Variants in PPP1R13L observed in about 807,000 individuals in gnomAD.
The protein encoded by PPP1R13L is protein phosphatase 1 regulatory subunit 13 like, also known as relA-associated inhibitor.
A neutral mutation model predicts 80.9 loss-of-function variants in PPP1R13L; 50 were observed. The observed-to-expected ratio is 0.62, with a 90% CI of 0.49 to 0.78. PPP1R13L has a LOEUF of 0.78. Among genes scored for constraint, PPP1R13L ranks in the 30% least tolerant of loss-of-function variants. The pLI, the probability that PPP1R13L is intolerant of heterozygous loss-of-function variation, is 0.00. For synonymous variants in PPP1R13L, 602 were observed against 534.3 expected (o/e 1.13, Z -1.75); for missense variants, 1,200 against 1,205.9 (o/e 1.00, Z 0.07).
At chr19:45,388,175 G>GA (rs542347771) in intron 8 of PPP1R13L, among the ~76,000 whole-genome samples, 1,853 of 142,062 alleles carry the variant, frequency 0.013, 30 homozygotes, top group Non-Finnish European at 0.016. Context: ...CTCAAAAAAG[G>GA]AAAAAAAAAA....
chr19:45,396,553 C>G lies in PPP1R13L; in HGVS notation c.704G>C (p.Arg235Pro), dbSNP rs1023662904. Reference sequence around the variant, plus strand: ...GGGGCCCCTGGGTTCACCTTGCGCGCGCAGAGGCGGGGCGAATGCGCTGCC... The same window carrying G: ...GGGGCCCCTGGGTTCACCTTGCGCGGGCAGAGGCGGGGCGAATGCGCTGCC... ...SGGSAFAPPL[R>P]AQDDLTLRRR... is the part of the protein sequence containing the mutation. The change falls in exon 4 of 13, where the codon CGC (arginine) becomes CCC (proline). Residue 235 changes from arginine (R) to proline (P), a missense_variant. Arg to Pro is a moderately radical substitution (Grantham distance 103, BLOSUM62 -2). Transcript: ENST00000360957. The surrounding 1 kb of genome is among the most constrained non-coding windows in gnomAD (Gnocchi z 5.3). The G allele has an allele frequency of 1.3e-6, 2 of 1,543,596 alleles. No individual in the cohort carries two copies. Among genetic ancestry groups the G allele is most frequent in the Middle Eastern group, 1.8e-4 (1 of 5,670 alleles).
At chr19:45,381,777 A>C (rs2123343500) in intron 12 of PPP1R13L, among the ~76,000 whole-genome samples, 1 of 150,718 alleles carries the variant, frequency 6.6e-6, no homozygotes, top group Non-Finnish European at 1.5e-5. Context: ...CAAAATACAA[A>C]AAAAAAAAAA....
chr19:45,380,670 T>G (rs1340824916), intron 12 of PPP1R13L, among the ~76,000 whole-genome samples: 3 of 151,992 alleles, frequency 2.0e-5, no homozygotes, highest in Non-Finnish European at 4.4e-5. Flanking sequence ...ACACAAAAAA[T>G]TAGCTGGGCG....
At chr19:45,401,452 C>T (rs990546509) in intron 1 of PPP1R13L, among the ~76,000 whole-genome samples, 7 of 152,168 alleles carry the variant, frequency 4.6e-5, no homozygotes, top group Admixed American at 2.0e-4. Flanking sequence ...CCCGCCTCAG[C>T]CTCCCAAAGT....
rs1162191121 is a variant in PPP1R13L at position 45,395,562 on chromosome 19, G to A, written c.1228C>T (p.Pro410Ser). The A allele has an allele frequency of 2.7e-6, 4 of 1,484,988 alleles. No homozygotes were observed. The South Asian group carries it at 5.4e-5, about 20-fold the overall frequency. The allele number at this position is 1,484,988 out of a possible 1,614,324, so 92.0% of individuals were successfully genotyped here. A position where few individuals can be genotyped will look rare whatever the true frequency, so the allele number is the denominator to read the frequency against. Residue 410 changes from proline (P) to serine (S), a missense_variant, in exon 7 of 13, where the codon CCA (proline) becomes TCA (serine). Coordinates refer to ENST00000360957, the MANE Select transcript of PPP1R13L (RefSeq NM_006663.4). ...GATTGTGGCTGGGGCTGTGGTTGTG[G>A]TTGGGGCTGCAGCTTAGGCGGGGGT... Reference protein sequence around the residue: ...RAPPPKLQPQPQPQPQPQSQP... With the variant: ...RAPPPKLQPQSQPQPQPQSQP...
intron 1 of PPP1R13L, among the ~76,000 whole-genome samples, chr19:45,398,585 C>CTTTTTTTTTTTTTTTT (rs113649282): frequency 2.2e-5 from 3 of 136,530 alleles, no homozygotes; most frequent in East Asian, 2.1e-4. Context: ...TTTTTCTTTT[C>CTTTTTTTTTTTTTTTT]TTTTTTTTTT....
chr19:45,383,979 G>A (rs1361056483), intron 11 of PPP1R13L, among the ~76,000 whole-genome samples: 1 of 151,832 alleles, frequency 6.6e-6, no homozygotes, highest in Non-Finnish European at 1.5e-5. Flanking sequence ...TGCCCAGGCT[G>A]GTTTGGAAAT....
In PPP1R13L at chr19:45,396,609, G is replaced by A. The variant is rs910924357; in HGVS notation, c.648C>T (p.Ser216=). 2.7e-6 allele frequency: 4 copies of A among 1,495,154 alleles called. No individual in the cohort carries two copies. The highest frequency in any genetic ancestry group is 3.5e-6 in the Non-Finnish European group (4 of 1,131,458). 92.6% of individuals were successfully genotyped at this position (1,495,154 alleles called of 1,614,324 possible). A position where few individuals can be genotyped will look rare whatever the true frequency, so the allele number is the denominator to read the frequency against. The change falls in exon 4 of 13, where the codon TCC becomes TCT. Residue 216 remains serine, a synonymous_variant. Coordinates refer to ENST00000360957, the MANE Select transcript of PPP1R13L (RefSeq NM_006663.4). This position sits in a 1 kb window ranked among gnomAD's most constrained non-coding sequence, Gnocchi z 5.3. ...AGCCTAGCAGGGAGCTCCCGAAGGC[G>A]GACGCTGGCGCGTCGTAGGCTGTGG... ...PPATAYDAPA[S]AFGSSLLGSG...
chr19:45,400,740 C>G, intron 1 of PPP1R13L, among the ~76,000 whole-genome samples: 2 of 145,844 alleles, frequency 1.4e-5, no homozygotes, highest in Middle Eastern at 3.4e-3. Flanking sequence ...GGTATAGCCT[C>G]GCACCACCAC....
intron 1 of PPP1R13L, among the ~76,000 whole-genome samples, chr19:45,400,630 C>A (rs1259215996): frequency 6.8e-6 from 1 of 147,974 alleles, no homozygotes; most frequent in Non-Finnish European, 1.5e-5. Context: ...GATAGGGTCT[C>A]GCTCTGTAAC....
chr19:45,385,642 G>A lies in PPP1R13L; in HGVS notation c.2168C>T (p.Thr723Met). 6.2e-7 allele frequency: 1 copy of A among 1,613,160 alleles called. No individual in the cohort carries two copies. The highest frequency in any genetic ancestry group is 8.5e-7 in the Non-Finnish European group (1 of 1,179,870). ...GAAGGCGGTGGCGCCGTCGCTGAGC[G>A]TGGTGGCGAAGATTGCAGCGCCGTG... The part of the protein sequence containing the change: ...VQHGAAIFAT[T>M]LSDGATAFEK... Residue 723 changes from threonine to methionine, a missense_variant, in exon 11 of 13, where the codon ACG becomes ATG. Around this residue, in one of 5 missense-constraint regions of PPP1R13L, gnomAD observed 165 missense variants for 177.1 expected, o/e 0.93. Transcript: ENST00000360957.
intron 11 of PPP1R13L, among the ~76,000 whole-genome samples, chr19:45,384,563 T>A (rs1349262321): frequency 6.8e-6 from 1 of 146,200 alleles, no homozygotes; most frequent in Non-Finnish European, 1.5e-5. Context: ...AAATAAATAT[T>A]TCGTAGAGGT....
chr19:45,406,215 T>C, upstream of PPP1R13L: 10 of 847,508 alleles, frequency 1.2e-5, no homozygotes, highest in Non-Finnish European at 9.9e-6. This position sits in a 1 kb window ranked among gnomAD's most constrained non-coding sequence, Gnocchi z 4.2. Flanking sequence ...AGTCAAGTTC[T>C]GAACTTGTGA....
chr19:45,398,788 G>C (rs1973169994), intron 1 of PPP1R13L, among the ~76,000 whole-genome samples: 1 of 151,596 alleles, frequency 6.6e-6, no homozygotes, highest in African/African-American at 2.4e-5. Context: ...GAGTCTCCGC[G>C]CCCGGCCGTG....
chr19:45,402,616 G>A (rs1209014067), intron 1 of PPP1R13L, among the ~76,000 whole-genome samples: 4 of 152,196 alleles, frequency 2.6e-5, no homozygotes, highest in African/African-American at 2.4e-5. Context: ...GAGCTGGGCC[G>A]GGCGGGGTAC....
intron 1 of PPP1R13L, 113 bp from the exon 2 acceptor site, chr19:45,398,452 T>C: frequency 9.6e-7 from 1 of 1,045,484 alleles, no homozygotes; most frequent in Non-Finnish European, 1.4e-6. Context: ...TTCCTTCCCC[T>C]GGAAGCCCTT....
chr19:45,386,321 G>T, intron 8 of PPP1R13L, 141 bp from the exon 9 acceptor site: 1 of 1,114,886 alleles, frequency 9.0e-7, no homozygotes, highest in Non-Finnish European at 1.2e-6. Flanking sequence ...ATGGGGTGAG[G>T]GGGTGCCTTC....
upstream of PPP1R13L, chr19:45,406,355 T>A (rs926125753): frequency 1.6e-6 from 2 of 1,235,532 alleles, no homozygotes; most frequent in African/African-American, 3.2e-5. This position sits in a 1 kb window ranked among gnomAD's most constrained non-coding sequence, Gnocchi z 4.2. Context: ...GGAAGAGCAG[T>A]GTGGCTGCCC....
Position 45,380,119 on chromosome 19 carries a change from CAG to C in PPP1R13L, c.*69_*70del. 1.3e-6 allele frequency: 2 copies of C among 1,564,250 alleles called. No individual in the cohort carries two copies. The highest frequency in any genetic ancestry group is 1.8e-6 in the Non-Finnish European group (2 of 1,136,952). On this transcript the variant is annotated 3_prime_UTR_variant, in exon 13 of 13. Transcript: ENST00000360957. The stretch of plus-strand genomic sequence containing the variant: ...GGGTGCAGATAAAGGCAGCAAAAAA[CAG>C]AGGGAGAGGTCTGGAGGGAAGGCAG...
Sources: allele counts gnomAD v4.1 joint callset (sites outside exome capture counted in the v4.1 genomes callset), GRCh38; gene constraint gnomAD v4.1.1; regional missense constraint gnomAD v4.1.1; non-coding constraint Gnocchi (gnomAD v3.1); transcripts MANE v1.5; gene names NCBI Gene and HGNC (gene_info 2026-07-23, HGNC 2026-07-21).